NALF1: variants seen among roughly 807,000 people sequenced by gnomAD.
NALF1 encodes the protein NALCN channel auxiliary factor 1.
Under a neutral mutation model 48.4 loss-of-function variants are expected in NALF1, and 3 were observed. The ratio of observed to expected loss-of-function variants is 0.06; its 90% CI spans 0.03 to 0.16. The LOEUF (loss-of-function observed/expected upper bound fraction) is 0.16, where lower values mean the gene tolerates loss of function less well. Among genes scored for constraint, NALF1 ranks in the 10% least tolerant of loss-of-function variants. NALF1 has a pLI of 1.00. For missense variants in NALF1, 526 were observed against 571.5 expected (o/e 0.92, Z 0.81); for synonymous variants, 262 against 245.7 (o/e 1.07, Z -0.62).
intron 1 of NALF1, among the ~76,000 whole-genome samples, chr13:107,711,947 C>CA (rs1193935757): frequency 6.6e-6 from 1 of 152,126 alleles, no homozygotes. Context: ...TATAACTACA[C>CA]AGACATCAGG....
intron 1 of NALF1, among the ~76,000 whole-genome samples, chr13:107,737,709 T>G (rs539233042): frequency 1.3e-5 from 2 of 152,292 alleles, no homozygotes; most frequent in Non-Finnish European, 2.9e-5. Context: ...ATTTCCTAAT[T>G]ATTTGTACAT....
intron 1 of NALF1, among the ~76,000 whole-genome samples, chr13:107,452,187 T>G (rs1884752541): frequency 6.6e-6 from 1 of 152,130 alleles, no homozygotes; most frequent in Admixed American, 6.5e-5. Context: ...AATCTCTTCC[T>G]CCTGCCCATA....
intron 1 of NALF1, among the ~76,000 whole-genome samples, chr13:107,787,534 G>A (rs552626880): frequency 2.0e-5 from 3 of 152,186 alleles, no homozygotes; most frequent in African/African-American, 2.4e-5. Flanking sequence ...CGTGGGTCAC[G>A]GTAAAGCAAT....
At chr13:107,597,821 C>T (rs1485878575) in intron 1 of NALF1, among the ~76,000 whole-genome samples, 2 of 151,840 alleles carry the variant, frequency 1.3e-5, no homozygotes, top group East Asian at 3.9e-4. Flanking sequence ...ACAATTTATC[C>T]ACAACATTAT....
chr13:107,321,694 A>G (rs1047581195), intron 1 of NALF1, among the ~76,000 whole-genome samples: 26 of 152,226 alleles, frequency 1.7e-4, no homozygotes, highest in Admixed American at 1.6e-3. Flanking sequence ...TCTGCCTGCA[A>G]TGTCTTTCAT....
At chr13:107,743,294 C>T (rs1421682431) in intron 1 of NALF1, among the ~76,000 whole-genome samples, 3 of 152,134 alleles carry the variant, frequency 2.0e-5, no homozygotes, top group African/African-American at 7.2e-5. Flanking sequence ...GTAAGTGATT[C>T]GTAAGATCAG....
At chr13:107,707,112 C>T (rs1875402431) in intron 1 of NALF1, among the ~76,000 whole-genome samples, 3 of 151,122 alleles carry the variant, frequency 2.0e-5, no homozygotes, top group Non-Finnish European at 3.0e-5. Flanking sequence ...TTAGTAGAGA[C>T]GGGGTTTCAC....
intron 1 of NALF1, among the ~76,000 whole-genome samples, chr13:107,757,379 G>A (rs1877131196): frequency 6.7e-6 from 1 of 149,580 alleles, no homozygotes; most frequent in Admixed American, 6.7e-5. Context: ...ATTATGGAGA[G>A]CTTCACATTC....
chr13:107,474,284 A>C (rs1885145473), intron 1 of NALF1, among the ~76,000 whole-genome samples: 1 of 152,166 alleles, frequency 6.6e-6, no homozygotes, highest in Admixed American at 6.5e-5. Context: ...TACTAAACAA[A>C]ATACTTTTGA....
chr13:107,866,625 T>A lies in NALF1; in HGVS notation c.-29A>T. 2 of 1,568,824 alleles carry A rather than the reference T, an allele frequency of 1.3e-6. No homozygotes were observed. The highest frequency in any genetic ancestry group is 1.7e-6 in the Non-Finnish European group (2 of 1,163,862). On this transcript the variant is annotated 5_prime_UTR_variant, in exon 1 of 3. Transcript: ENST00000375915. This position sits in a 1 kb window ranked among gnomAD's most constrained non-coding sequence, Gnocchi z 4.4. ...TTGGGAACGCACAGCCCTGGCCGAC[T>A]CCACCGTGAGGGCGCCTGTGCCGGT...
chr13:107,378,576 T>C lies in NALF1; in HGVS notation c.916-167821A>G, dbSNP rs560229064. Among the ~76,000 whole-genome samples, 11 of 152,314 alleles carry C rather than the reference T, an allele frequency of 7.2e-5. No individual in the cohort carries two copies. The South Asian group carries it at 2.3e-3, about 32-fold the overall frequency. On this transcript the variant is annotated intron_variant, in intron 1 of 2. Transcript: ENST00000375915. ...GAGAATGAGCTTTCTGAGGATTGTT[T>C]CTCTTTTTATAGCCATAAATACTAT...
At chr13:107,655,830 G>A (rs1234541508) in intron 1 of NALF1, among the ~76,000 whole-genome samples, 1 of 152,090 alleles carries the variant, frequency 6.6e-6, no homozygotes, top group African/African-American at 2.4e-5. Flanking sequence ...TAATGGAACA[G>A]AATAGAGAAC....
intron 1 of NALF1, among the ~76,000 whole-genome samples, chr13:107,347,412 T>C (rs984671390): frequency 6.6e-6 from 1 of 152,230 alleles, no homozygotes; most frequent in South Asian, 2.1e-4. Flanking sequence ...GTCTAAACTC[T>C]CTGCTTTCCT....
chr13:107,277,775 G>A (rs1162761061), intron 1 of NALF1, among the ~76,000 whole-genome samples: 1 of 152,098 alleles, frequency 6.6e-6, no homozygotes, highest in African/African-American at 2.4e-5. Context: ...GTATCAGTGA[G>A]AGAGTTTAAG....
intron 1 of NALF1, among the ~76,000 whole-genome samples, chr13:107,790,087 A>C (rs1233492038): frequency 6.6e-6 from 1 of 152,218 alleles, no homozygotes; most frequent in African/African-American, 2.4e-5. Flanking sequence ...CATAGACCAT[A>C]GGCTAATTTA....
At chr13:107,561,734 AATGATT>A (rs1453609138) in intron 1 of NALF1, among the ~76,000 whole-genome samples, 18 of 152,234 alleles carry the variant, frequency 1.2e-4, no homozygotes, top group Admixed American at 5.9e-4. Flanking sequence ...AGTCACAGAT[AATGATT>A]ATTTCATCTT....
At chr13:107,550,911 A>T (rs990734966) in intron 1 of NALF1, among the ~76,000 whole-genome samples, 1 of 151,942 alleles carries the variant, frequency 6.6e-6, no homozygotes, top group Non-Finnish European at 1.5e-5. Flanking sequence ...GAAAAAAAAA[A>T]AACTTATTGT....
chr13:107,571,815 T>C (rs1467037712), intron 1 of NALF1, among the ~76,000 whole-genome samples: 2 of 152,284 alleles, frequency 1.3e-5, no homozygotes, highest in South Asian at 2.1e-4. Flanking sequence ...TAAAGATAAT[T>C]TGAGAATTGC....
chr13:107,642,169 G>A (rs1014812862), intron 1 of NALF1, among the ~76,000 whole-genome samples: 1 of 152,162 alleles, frequency 6.6e-6, no homozygotes, highest in African/African-American at 2.4e-5. Flanking sequence ...AAGCTGAGAC[G>A]CTCTGCTTCC....
Sources: allele counts gnomAD v4.1 joint callset (sites outside exome capture counted in the v4.1 genomes callset), GRCh38; gene constraint gnomAD v4.1.1; non-coding constraint Gnocchi (gnomAD v3.1); transcripts MANE v1.5; gene names NCBI Gene and HGNC (gene_info 2026-07-23, HGNC 2026-07-21).